Variants in AATK observed in about 807,000 individuals in gnomAD.
AATK encodes the protein serine/threonine-protein kinase LMTK1.
AATK carries 91 observed loss-of-function variants against 114.3 expected under a neutral mutation model. The ratio of observed to expected loss-of-function variants is 0.80; its 90% CI spans 0.67 to 0.95. The LOEUF (loss-of-function observed/expected upper bound fraction) is 0.95, where lower values mean the gene tolerates loss of function less well. Ranked by LOEUF, AATK falls within the 40% of genes least tolerant of loss-of-function variation. The pLI, the probability that AATK is intolerant of heterozygous loss-of-function variation, is 0.00. For missense variants in AATK, 2,176 were observed against 1,965.2 expected (o/e 1.11, Z -2.03); for synonymous variants, 1,075 against 916.5 (o/e 1.17, Z -3.12).
rs202186943 is a variant in AATK, at chr17:81,151,289, T to TC, written c.55+14648dup. Among the ~76,000 whole-genome samples, 445 of 99,938 alleles carry TC rather than the reference T, an allele frequency of 4.5e-3. 12 individuals carry two copies. The highest frequency in any genetic ancestry group is 0.013 in the Middle Eastern group (3 of 228). The allele number at this position is 99,938 out of a possible 152,430, so 65.6% of individuals were successfully genotyped here. The stretch of plus-strand genomic sequence containing the variant: ...GAACCCAGGCCCAGCCCCACCTGTC[T>TC]CCCCCACCGACCCCTCCTGTCTCCC... On this transcript the variant is annotated intron_variant, in intron 1 of 13. Transcript: ENST00000326724.
rs373446518 is a variant in AATK, at chr17:81,122,032, C to G, written c.1904G>C (p.Cys635Ser). ...CAGTGGGTCCTCGAAGAAGGCAGGA[C>G]AGAAGGCGGCCACGCCCCAGTCTGC... ...EDADWGVAAFCPAFFEDPLGT... is the reference protein window; with the variant it reads ...EDADWGVAAFSPAFFEDPLGT... Residue 635 changes from cysteine (C) to serine (S), a missense_variant, in exon 11 of 14, where the codon TGT (cysteine) becomes TCT (serine). Physicochemically the swap from Cys to Ser is moderately radical, Grantham distance 112 (BLOSUM62 -1). Transcript: ENST00000326724. 1.3e-6 allele frequency: 2 copies of G among 1,599,468 alleles called. No individual in the cohort carries two copies. Among genetic ancestry groups the G allele is most frequent in the Non-Finnish European group, 1.7e-6 (2 of 1,179,076 alleles).
At chr17:81,165,198 G>A (rs745665888) in intron 1 of AATK, among the ~76,000 whole-genome samples, 1 of 152,238 alleles carries the variant, frequency 6.6e-6, no homozygotes, top group Non-Finnish European at 1.5e-5. Context: ...GCTTCCTGGT[G>A]ACAGATGGGG....
Position 81,126,383 on chromosome 17 carries a change from C to A in AATK, c.755+44G>T. The A allele has an allele frequency of 6.5e-7, 1 of 1,527,450 alleles. No individual in the cohort carries two copies. The allele number at this position is 1,527,450 out of a possible 1,614,324, so 94.6% of individuals were successfully genotyped here. A position where few individuals can be genotyped will look rare whatever the true frequency, so the allele number is the denominator to read the frequency against. ...CTATGCCCTTCCTTCAGGGGAGGGG[C>A]CTGGCCTAGGGCTTCCCGGCCGCTG... On this transcript the variant is annotated intron_variant, in intron 7 of 13. Coordinates refer to ENST00000326724, the MANE Select transcript of AATK (RefSeq NM_001080395.3). The surrounding 1 kb of genome is among the most constrained non-coding windows in gnomAD (Gnocchi z 5.1).
intron 7 of AATK, among the ~76,000 whole-genome samples, chr17:81,125,564 T>C (rs1451489008): frequency 1.3e-5 from 2 of 152,152 alleles, no homozygotes; most frequent in Non-Finnish European, 2.9e-5. Context: ...AGAATGCAGG[T>C]TACGCCTGGC....
chr17:81,130,439 G>A (rs999946546), intron 3 of AATK, among the ~76,000 whole-genome samples: 1 of 152,176 alleles, frequency 6.6e-6, no homozygotes, highest in African/African-American at 2.4e-5. Context: ...ACCCTAGGAT[G>A]GGGGCAGATG....
At chr17:81,136,441 C>T (rs2061010758) in intron 1 of AATK, among the ~76,000 whole-genome samples, 1 of 152,168 alleles carries the variant, frequency 6.6e-6, no homozygotes, top group African/African-American at 2.4e-5. Context: ...CCTCCCATGG[C>T]CCCATCCCTT....
rs748897440 is a variant in AATK at position 81,120,542 on chromosome 17, G to C, written c.3394C>G (p.Arg1132Gly). Residue 1132 changes from arginine to glycine, a missense_variant, in exon 11 of 14, where the codon CGG becomes GGG. By Grantham distance (125) the Arg-to-Gly change is moderately radical (BLOSUM62 -2). Transcript: ENST00000326724. The stretch of plus-strand genomic sequence containing the variant: ...CTGGGGGTGCCTGGGCCCCCCATCC[G>C]CTTTTGTGGGGCCGGCCCTGACAAC... ...GLLSGPAPQK[R>G]MGGPGTPRAP... The C allele has an allele frequency of 1.3e-6, 2 of 1,488,146 alleles. No homozygotes were observed. The highest frequency in any genetic ancestry group is 1.8e-6 in the Non-Finnish European group (2 of 1,118,442). 92.2% of individuals were successfully genotyped at this position (1,488,146 alleles called of 1,614,324 possible).
Position 81,144,204 on chromosome 17 carries a change from C to G in AATK, c.56-9703G>C, listed in dbSNP as rs545846215. ...GCACCAACAGCCAGCGTCTCTTGCA[C>G]AGACCCAGCCTGGCCCACACCTCCC... On this transcript the variant is annotated intron_variant, in intron 1 of 13. Coordinates refer to ENST00000326724, the MANE Select transcript of AATK (RefSeq NM_001080395.3). Among the ~76,000 whole-genome samples, 12 of 152,376 alleles carry G rather than the reference C, an allele frequency of 7.9e-5. No individual in the cohort carries two copies. In the East Asian group the frequency reaches 2.3e-3, roughly 29 times the overall value.
intron 1 of AATK, among the ~76,000 whole-genome samples, chr17:81,150,278 A>C (rs996938433): frequency 6.6e-6 from 1 of 151,886 alleles, no homozygotes; most frequent in South Asian, 2.1e-4. Flanking sequence ...ACCTCAATAC[A>C]TTTTTTTAAG....
intron 1 of AATK, among the ~76,000 whole-genome samples, chr17:81,143,611 C>A (rs2061172236): frequency 6.6e-6 from 1 of 152,186 alleles, no homozygotes; most frequent in African/African-American, 2.4e-5. Flanking sequence ...GTCCTCCAGC[C>A]TCCTCGACCC....
At chr17:81,164,678 C>T (rs549891349) in intron 1 of AATK, among the ~76,000 whole-genome samples, 53 of 152,320 alleles carry the variant, frequency 3.5e-4, no homozygotes, top group African/African-American at 1.2e-3. Context: ...CCGTGGGCCA[C>T]GCCTGGCATG....
chr17:81,128,929 G>C, intron 3 of AATK: 2 of 1,115,990 alleles, frequency 1.8e-6, no homozygotes, highest in Middle Eastern at 4.2e-4. Flanking sequence ...GGGCACTGGA[G>C]CGGCCCACCC....
chr17:81,153,916 C>A (rs2061329189), intron 1 of AATK, among the ~76,000 whole-genome samples: 1 of 152,044 alleles, frequency 6.6e-6, no homozygotes, highest in Non-Finnish European at 1.5e-5. Flanking sequence ...ACTAAAAATA[C>A]AAAAATTAAC....
Position 81,160,250 on chromosome 17 carries a change from C to T in AATK, c.55+5688G>A, listed in dbSNP as rs529253585. On this transcript the variant is annotated intron_variant, in intron 1 of 13. Transcript: ENST00000326724. ...CCCCCACGTACCAGGCTCTGGGTGT[C>T]GCTCCCGCGTGGCTCTGACCGTGGC... is the stretch of plus-strand genomic sequence containing the variant. 9.1e-6 allele frequency: 9 copies of T among 985,212 alleles called. No individual in the cohort carries two copies. In the East Asian group the frequency reaches 3.4e-4, roughly 37 times the overall value. 61.0% of individuals were successfully genotyped at this position (985,212 alleles called of 1,614,324 possible).
In AATK at chr17:81,119,914, G is replaced by A. The variant is rs1449357261; in HGVS notation, c.3883+22C>T. 2.8e-6 allele frequency: 4 copies of A among 1,414,516 alleles called. No homozygotes were observed. In the East Asian group the frequency reaches 8.4e-5, roughly 30 times the overall value. The allele number at this position is 1,414,516 out of a possible 1,614,324, so 87.6% of individuals were successfully genotyped here. On this transcript the variant is annotated intron_variant, in intron 12 of 13. Transcript: ENST00000326724. ...GGCCCTGCCTCCCGTGACGTCACGG[G>A]CCCAGCCCCGCCCCTGCTCACCCTC...
intron 9 of AATK, 121 bp from the exon 10 acceptor site, chr17:81,123,464 G>T: frequency 1.1e-6 from 1 of 926,554 alleles, no homozygotes; most frequent in Non-Finnish European, 1.4e-6. Context: ...CAGGACCGGG[G>T]CCTGGTACCA....
At position 81,118,148 on chromosome 17, in the gene AATK, C is replaced by T; in HGVS notation, c.*254G>A. 2 of 538,266 alleles carry T rather than the reference C, an allele frequency of 3.7e-6. No individual in the cohort carries two copies. The highest frequency in any genetic ancestry group is 6.7e-6 in the Non-Finnish European group (2 of 299,504). The allele number at this position is 538,266 out of a possible 1,614,324, so 33.3% of individuals were successfully genotyped here. On this transcript the variant is annotated 3_prime_UTR_variant, in exon 14 of 14. Coordinates refer to ENST00000326724, the MANE Select transcript of AATK (RefSeq NM_001080395.3). ...TGTGTACAGACACCCACTGTGGCTC[C>T]AGGCGCCCCCAGGGGCTAGCAGCAA...
chr17:81,132,516 C>T (rs1371139978), intron 2 of AATK: 1 of 172,302 alleles, frequency 5.8e-6, no homozygotes, highest in Non-Finnish European at 1.3e-5. Flanking sequence ...TCCCCGGGAC[C>T]CAGAAGACCA....
At chr17:81,133,632 A>T (rs888620301) in intron 2 of AATK, among the ~76,000 whole-genome samples, 10 of 152,098 alleles carry the variant, frequency 6.6e-5, no homozygotes, top group African/African-American at 2.4e-4. Context: ...AGACTCTGGG[A>T]GGGGGAGGCG....
Sources: gnomAD v4.1 joint callset for allele counts (sites outside exome capture counted in the v4.1 genomes callset) on GRCh38, gnomAD v4.1.1 for gene constraint, Gnocchi (gnomAD v3.1) non-coding constraint, MANE v1.5 for transcripts, NCBI Gene and HGNC (gene_info 2026-07-23, HGNC 2026-07-21) for gene names.